The following ANK3 variants were observed in gnomAD, a reference collection of about 807,000 sequenced individuals.
The protein encoded by ANK3 is ankyrin-3.
ANK3 carries 57 observed loss-of-function variants against 370.9 expected under a neutral mutation model. The observed-to-expected ratio is 0.15, with a 90% confidence interval of 0.12 to 0.19. ANK3 has a LOEUF of 0.19. Ranked by LOEUF, ANK3 falls within the 10% of genes least tolerant of loss-of-function variation. ANK3 has a pLI of 1.00. For synonymous variants in ANK3, 1,929 were observed against 1,946.3 expected, an observed-to-expected ratio of 0.99 and a Z score of 0.23; for missense variants, 4,439 against 5,302.1, an observed-to-expected ratio of 0.84 and a Z score of 5.06.
chr10:60,468,676 G>A (rs558738085), intron 2 of ANK3, among the ~76,000 whole-genome samples: 1 of 152,006 alleles, frequency 6.6e-6, no homozygotes, highest in East Asian at 1.9e-4. Flanking sequence ...AACTTTGGCA[G>A]ATTTTGCTTT....
chr10:60,489,727 T>C (rs2075444106), intron 2 of ANK3, among the ~76,000 whole-genome samples: 2 of 152,334 alleles, frequency 1.3e-5, no homozygotes, highest in South Asian at 4.1e-4. Flanking sequence ...TTCTTTAAAA[T>C]ATGTATGTAT....
At chr10:60,232,041 A>G (rs949183595) in intron 8 of ANK3, among the ~76,000 whole-genome samples, 7 of 152,182 alleles carry the variant, frequency 4.6e-5, no homozygotes, top group Non-Finnish European at 1.0e-4. Flanking sequence ...TACTTTCATC[A>G]GAGGAATTTG....
intron 16 of ANK3, among the ~76,000 whole-genome samples, chr10:60,189,344 C>A (rs1276134265): frequency 6.6e-6 from 1 of 152,030 alleles, no homozygotes; most frequent in East Asian, 1.9e-4. Context: ...CTGAGAGAGA[C>A]AGAGAGACAG....
At chr10:60,539,586 G>A (rs1216348701) in intron 2 of ANK3, among the ~76,000 whole-genome samples, 1 of 151,950 alleles carries the variant, frequency 6.6e-6, no homozygotes, top group Non-Finnish European at 1.5e-5. Context: ...ACTGTAAGCA[G>A]TTTGAAGGTA....
intron 23 of ANK3, among the ~76,000 whole-genome samples, chr10:60,162,691 C>T (rs2095528236): frequency 6.6e-6 from 1 of 152,034 alleles, no homozygotes; most frequent in Admixed American, 6.6e-5. Flanking sequence ...GCATTTGATT[C>T]AGAGAGATAT....
chr10:60,046,870 G>A (rs1389566730), intron 42 of ANK3, among the ~76,000 whole-genome samples: 10 of 149,448 alleles, frequency 6.7e-5, no homozygotes, highest in African/African-American at 1.5e-4. Flanking sequence ...GCAGTGGCGC[G>A]ATCTTGGCTC....
intron 1 of ANK3, among the ~76,000 whole-genome samples, chr10:60,302,767 A>G (rs2044104801): frequency 6.6e-6 from 1 of 152,164 alleles, no homozygotes; most frequent in Non-Finnish European, 1.5e-5. Flanking sequence ...CTATCAGACT[A>G]CCTGGCTTAA....
At chr10:60,140,442 C>T in intron 23 of ANK3, 1 of 1,612,134 alleles carries the variant, frequency 6.2e-7, no homozygotes, top group Non-Finnish European at 8.5e-7. Flanking sequence ...TAGAATCAAC[C>T]TCCAAAACAG....
At chr10:60,241,108 G>A (rs2097449920) in intron 7 of ANK3, among the ~76,000 whole-genome samples, 1 of 152,040 alleles carries the variant, frequency 6.6e-6, no homozygotes, top group African/African-American at 2.4e-5. Flanking sequence ...GTTTAACTTA[G>A]CCATTAACTT....
At chr10:60,647,591 G>C (rs1013430833) in intron 1 of ANK3, among the ~76,000 whole-genome samples, 2 of 147,994 alleles carry the variant, frequency 1.4e-5, no homozygotes, top group Admixed American at 6.9e-5. Context: ...TAAATTCATA[G>C]TGTCTAAAAA....
At chr10:60,398,270 A>G (rs1022574188) in intron 2 of ANK3, among the ~76,000 whole-genome samples, 1 of 152,196 alleles carries the variant, frequency 6.6e-6, no homozygotes, top group Non-Finnish European at 1.5e-5. Flanking sequence ...TTCTTAGCTT[A>G]CAGGCTATAC....
In ANK3 at chr10:60,155,285, G is replaced by T. The variant is rs369460695; in HGVS notation, c.2614+11306C>A. 3.0e-4 allele frequency among the ~76,000 whole-genome samples: 46 copies of T among 152,334 alleles called. 2 individuals are homozygous for T. The East Asian group carries it at 5.6e-3, about 19-fold the overall frequency. On this transcript the variant is annotated intron_variant, in intron 23 of 43. Transcript: ENST00000280772. ...CTGGGAAAGAGAGAGCAAAATGAGT[G>T]TGCAACATTGCATTGGAGCTCAGCA... is the stretch of plus-strand genomic sequence containing the variant.
At chr10:60,509,250 C>CA (rs545237136) in intron 2 of ANK3, among the ~76,000 whole-genome samples, 1,545 of 147,238 alleles carry the variant, frequency 0.01, 13 homozygotes, top group Non-Finnish European at 0.016. Flanking sequence ...ATATAACTAG[C>CA]AAAAAAAAAA....
chr10:60,510,013 A>G (rs1049053167), intron 2 of ANK3, among the ~76,000 whole-genome samples: 1 of 152,092 alleles, frequency 6.6e-6, no homozygotes, highest in African/African-American at 2.4e-5. Context: ...AGCTGTCTTC[A>G]GACATTATAT....
chr10:60,723,193 A>G (rs573263575), intron 1 of ANK3, among the ~76,000 whole-genome samples: 2 of 152,366 alleles, frequency 1.3e-5, no homozygotes, highest in South Asian at 2.1e-4. Flanking sequence ...CAGGCTGCAG[A>G]TAAGGAAATC....
intron 1 of ANK3, among the ~76,000 whole-genome samples, chr10:60,334,693 C>T (rs1333679197): frequency 6.6e-6 from 1 of 152,010 alleles, no homozygotes; most frequent in African/African-American, 2.4e-5. Context: ...TTTTTCTTAG[C>T]TAAAAAAATG....
rs528265600 is a variant in ANK3, at chr10:60,335,019, G to A, written c.114+54406C>T. ...TTCCCACTATTAGGCTAGTTTCAAG[G>A]AGACACTTGACACTGGGGCTAGGTC... is the stretch of plus-strand genomic sequence containing the variant. On this transcript the variant is annotated intron_variant, in intron 1 of 43. Transcript: ENST00000280772. Among the ~76,000 whole-genome samples the A allele has an allele frequency of 3.3e-5, 5 of 152,210 alleles. No homozygotes were observed. The South Asian group carries it at 1.0e-3, about 32-fold the overall frequency.
intron 1 of ANK3, among the ~76,000 whole-genome samples, chr10:60,677,449 G>A (rs911872730): frequency 5.9e-5 from 9 of 151,932 alleles, no homozygotes; most frequent in African/African-American, 2.2e-4. Context: ...TTTAACATAT[G>A]TCAAAAGAAA....
At chr10:60,207,569 C>T (rs768582500) in intron 10 of ANK3, among the ~76,000 whole-genome samples, 3 of 152,192 alleles carry the variant, frequency 2.0e-5, no homozygotes, top group South Asian at 2.1e-4. Context: ...GATTGGCAAA[C>T]GGAAACAGAA....
Sources: allele counts gnomAD v4.1 joint callset (sites outside exome capture counted in the v4.1 genomes callset), GRCh38; gene constraint gnomAD v4.1.1; transcripts MANE v1.5; gene names NCBI Gene and HGNC (gene_info 2026-07-23, HGNC 2026-07-21).